The following ATP6V1H variants were observed in gnomAD, a reference collection of about 807,000 sequenced individuals.
ATP6V1H encodes the protein V-type proton ATPase subunit H.
A neutral mutation model predicts 71.7 loss-of-function variants in ATP6V1H; 39 were observed. That is an observed-to-expected ratio of 0.54 (90% confidence interval 0.42 to 0.71). The LOEUF is 0.71. Among genes scored for constraint, ATP6V1H ranks in the 30% least tolerant of loss-of-function variants. The pLI is 0.00. For missense variants in ATP6V1H, 509 were observed against 594.9 expected, an observed-to-expected ratio of 0.86 and a Z score of 1.50; for synonymous variants, 192 against 199.3, an observed-to-expected ratio of 0.96 and a Z score of 0.31.
chr8:53,734,863 G>A (rs1012071282), intron 13 of ATP6V1H, among the ~76,000 whole-genome samples: 1 of 152,252 alleles, frequency 6.6e-6, no homozygotes, highest in East Asian at 1.9e-4. Flanking sequence ...TTGCCAGACA[G>A]AAGGAGGACA....
intron 9 of ATP6V1H, among the ~76,000 whole-genome samples, chr8:53,785,101 G>A (rs1462132536): frequency 1.3e-5 from 2 of 152,138 alleles, no homozygotes; most frequent in African/African-American, 4.8e-5. Context: ...CTAGATTGGG[G>A]AAGTTCTCCT....
At chr8:53,790,658 T>C (rs1039316171) in intron 9 of ATP6V1H, among the ~76,000 whole-genome samples, 1 of 152,186 alleles carries the variant, frequency 6.6e-6, no homozygotes, top group Non-Finnish European at 1.5e-5. Context: ...TGACTGCCAC[T>C]GCACATGCCA....
At chr8:53,839,613 C>T (rs1216663206) in intron 2 of ATP6V1H, 1 of 985,262 alleles carries the variant, frequency 1.0e-6, no homozygotes, top group African/African-American at 1.7e-5. Context: ...GACTTATCAC[C>T]TACAAACTCA....
intron 9 of ATP6V1H, among the ~76,000 whole-genome samples, chr8:53,782,151 T>C (rs1809166916): frequency 6.6e-6 from 1 of 152,204 alleles, no homozygotes; most frequent in Admixed American, 6.5e-5. Flanking sequence ...ATTTTCACGA[T>C]ATTGATTCTT....
At chr8:53,729,800 G>A (rs1806954443) in intron 13 of ATP6V1H, among the ~76,000 whole-genome samples, 2 of 152,186 alleles carry the variant, frequency 1.3e-5, no homozygotes, top group Admixed American at 6.5e-5. Flanking sequence ...CTCTGTGGAA[G>A]TCCTTCAAAG....
Position 53,766,310 on chromosome 8 carries a change from C to G in ATP6V1H, c.1175+3308G>C, listed in dbSNP as rs570989808. On this transcript the variant is annotated intron_variant, in intron 11 of 13. Coordinates refer to ENST00000359530, the MANE Select transcript of ATP6V1H (RefSeq NM_015941.4). Reference sequence around the variant, plus strand: ...AGATTTCATGGACACTTATCACTTCCCCAATCAATACCCTTGTGATTTCCT... The same window carrying G: ...AGATTTCATGGACACTTATCACTTCGCCAATCAATACCCTTGTGATTTCCT... Among the ~76,000 whole-genome samples the G allele has an allele frequency of 2.1e-3, 322 of 152,344 alleles. 1 individual carries two copies. Among genetic ancestry groups the G allele is most frequent in the African/African-American group, 7.3e-3 (303 of 41,572 alleles).
At chr8:53,753,821 T>C (rs1479755572) in intron 12 of ATP6V1H, among the ~76,000 whole-genome samples, 1 of 152,242 alleles carries the variant, frequency 6.6e-6, no homozygotes, top group African/African-American at 2.4e-5. Context: ...CAGCTCTTGA[T>C]ATTACAGTGT....
chr8:53,796,004 T>C (rs993198344), intron 8 of ATP6V1H, among the ~76,000 whole-genome samples, 165 bp from the exon 9 acceptor site: 1 of 152,192 alleles, frequency 6.6e-6, no homozygotes, highest in Non-Finnish European at 1.5e-5. Context: ...CAGAGAACCA[T>C]TTCCAGTACA....
rs1041940489 is a variant in ATP6V1H, at chr8:53,840,476, CAACAG to C, written c.113+1097_113+1101del. Among the ~76,000 whole-genome samples the C allele has an allele frequency of 6.2e-4, 91 of 146,948 alleles. 1 individual carries two copies. The highest frequency in any genetic ancestry group is 2.2e-3 in the African/African-American group (88 of 39,232). ...CTGCCCCACTGTACTCCAGCCTGGG[CAACAG>C]AGTGAGACTCTGTCTCAAAAAAAAA... On this transcript the variant is annotated intron_variant, in intron 2 of 13. Coordinates refer to ENST00000359530, the MANE Select transcript of ATP6V1H (RefSeq NM_015941.4).
chr8:53,818,757 A>G lies in ATP6V1H; in HGVS notation c.307-1227T>C, dbSNP rs533843633. ...CTAAGCATGTGAGGAAACATAAGCA[A>G]TTCTGTCCAAAAGCATTTTGTTCAG... On this transcript the variant is annotated intron_variant, in intron 4 of 13. Coordinates refer to ENST00000359530, the MANE Select transcript of ATP6V1H (RefSeq NM_015941.4). Among the ~76,000 whole-genome samples, 50 of 152,338 alleles carry G rather than the reference A, an allele frequency of 3.3e-4. 1 individual carries two copies. Among genetic ancestry groups the G allele is most frequent in the African/African-American group, 1.1e-3 (47 of 41,580 alleles).
At chr8:53,838,896 G>A (rs1811258614) in intron 2 of ATP6V1H, among the ~76,000 whole-genome samples, 1 of 152,172 alleles carries the variant, frequency 6.6e-6, no homozygotes, top group African/African-American at 2.4e-5. Context: ...TTCTTCATGT[G>A]TTGGTTCCAG....
At chr8:53,727,394 T>A (rs990153784) in intron 13 of ATP6V1H, among the ~76,000 whole-genome samples, 76 of 152,346 alleles carry the variant, frequency 5.0e-4, no homozygotes, top group Non-Finnish European at 9.6e-4. Flanking sequence ...TCCCTAGAGT[T>A]AAGCAGTTAA....
chr8:53,716,203 C>T (rs1806418972), intron 13 of ATP6V1H, among the ~76,000 whole-genome samples, 179 bp from the exon 14 acceptor site: 1 of 152,212 alleles, frequency 6.6e-6, no homozygotes, highest in Admixed American at 6.5e-5. Flanking sequence ...ATGAATTCTA[C>T]TTCATGTATC....
At chr8:53,736,260 T>G (rs1807199863) in intron 13 of ATP6V1H, among the ~76,000 whole-genome samples, 1 of 152,156 alleles carries the variant, frequency 6.6e-6, no homozygotes, top group Admixed American at 6.5e-5. Context: ...TCCAAGTCTT[T>G]AAATCATTCT....
chr8:53,734,490 A>T (rs1193262645), intron 13 of ATP6V1H, among the ~76,000 whole-genome samples: 1 of 152,246 alleles, frequency 6.6e-6, no homozygotes, highest in Non-Finnish European at 1.5e-5. Context: ...TTCAGGCTTT[A>T]GAACTAAGTG....
intron 4 of ATP6V1H, among the ~76,000 whole-genome samples, chr8:53,819,124 T>G (rs1470221989): frequency 1.3e-5 from 2 of 152,152 alleles, no homozygotes; most frequent in Non-Finnish European, 2.9e-5. Context: ...GAGGATCACT[T>G]GAGCCCAGGA....
intron 13 of ATP6V1H, among the ~76,000 whole-genome samples, chr8:53,735,707 T>A (rs1585729222): frequency 2.0e-5 from 3 of 152,182 alleles, no homozygotes; most frequent in South Asian, 4.1e-4. Flanking sequence ...AAAGTGTTCA[T>A]AATTAAGCAC....
chr8:53,770,590 A>T (rs1479170718), intron 10 of ATP6V1H, among the ~76,000 whole-genome samples: 1 of 152,218 alleles, frequency 6.6e-6, no homozygotes, highest in African/African-American at 2.4e-5. Context: ...TTAGTATAAG[A>T]AGTAAACAAG....
intron 5 of ATP6V1H, among the ~76,000 whole-genome samples, chr8:53,816,671 C>T (rs1810461795): frequency 6.6e-6 from 1 of 152,090 alleles, no homozygotes; most frequent in Non-Finnish European, 1.5e-5. Context: ...TGGCGCATGC[C>T]TGTAATCCCA....
Sources: gnomAD v4.1 joint callset for allele counts (sites outside exome capture counted in the v4.1 genomes callset) on GRCh38, gnomAD v4.1.1 for gene constraint, MANE v1.5 for transcripts, NCBI Gene and HGNC (gene_info 2026-07-23, HGNC 2026-07-21) for gene names.